The following RAPGEF5 variants were observed in gnomAD, a reference collection of about 807,000 sequenced individuals.
RAPGEF5 encodes M-Ras-regulated GEF.
A neutral mutation model predicts 125.2 loss-of-function variants in RAPGEF5; 65 were observed. The ratio of observed to expected loss-of-function variants is 0.52; its 90% CI spans 0.43 to 0.64. RAPGEF5 has a LOEUF of 0.64. RAPGEF5 is among the 30% of genes least tolerant of loss of function. The pLI is 0.00. For missense variants in RAPGEF5, 958 were observed against 1,048.1 expected, an observed-to-expected ratio of 0.91 and a Z score of 1.19; for synonymous variants, 391 against 385.9, an observed-to-expected ratio of 1.01 and a Z score of -0.16.
intron 7 of RAPGEF5, among the ~76,000 whole-genome samples, chr7:22,235,418 G>A (rs533122240): frequency 2.0e-5 from 3 of 152,308 alleles, no homozygotes; most frequent in South Asian, 4.1e-4. Flanking sequence ...GAACAGAACA[G>A]GGCTGGTCAA....
chr7:22,132,391 T>G (rs1782940952), intron 23 of RAPGEF5, among the ~76,000 whole-genome samples: 1 of 130,218 alleles, frequency 7.7e-6, no homozygotes, highest in Admixed American at 7.9e-5. Context: ...TTTTTTTTTT[T>G]GCTTGTAAAC....
At chr7:22,180,143 A>G (rs551005504) in intron 11 of RAPGEF5, among the ~76,000 whole-genome samples, 38 of 152,222 alleles carry the variant, frequency 2.5e-4, no homozygotes, top group Non-Finnish European at 2.9e-5. Flanking sequence ...TAGTATGTCC[A>G]TATTTCTTTG....
At chr7:22,312,668 A>T (rs955672080) in intron 3 of RAPGEF5, among the ~76,000 whole-genome samples, 8 of 152,220 alleles carry the variant, frequency 5.3e-5, no homozygotes, top group African/African-American at 1.9e-4. Context: ...AATATTAATT[A>T]AAAACTGAGC....
chr7:22,284,421 T>C (rs1469614715), intron 6 of RAPGEF5, among the ~76,000 whole-genome samples: 1 of 152,128 alleles, frequency 6.6e-6, no homozygotes, highest in Non-Finnish European at 1.5e-5. Flanking sequence ...AGAAAAAAGT[T>C]GCTACCAGAA....
chr7:22,297,747 T>C (rs1783097270), intron 5 of RAPGEF5, among the ~76,000 whole-genome samples: 1 of 152,244 alleles, frequency 6.6e-6, no homozygotes, highest in Non-Finnish European at 1.5e-5. Flanking sequence ...CCTCCAAATA[T>C]ATGCCTTTTA....
intron 7 of RAPGEF5, among the ~76,000 whole-genome samples, chr7:22,260,710 T>G (rs563295709): frequency 6.6e-6 from 1 of 152,188 alleles, no homozygotes; most frequent in African/African-American, 2.4e-5. Context: ...ATCTATAAGG[T>G]AAATACACAT....
chr7:22,308,298 T>G lies in RAPGEF5; in HGVS notation c.680+41A>C, dbSNP rs140535262. On this transcript the variant is annotated intron_variant, in intron 5 of 25. Transcript: ENST00000665637. ...GTCCCTAGACATGGTAAATGTTGTC[T>G]AAGTGTAAGAATACAATGGCACAAG... 6.2e-5 allele frequency: 94 copies of G among 1,528,408 alleles called. No individual in the cohort carries two copies. In the African/African-American group the frequency reaches 1.1e-3, roughly 18 times the overall value. 94.7% of individuals were successfully genotyped at this position (1,528,408 alleles called of 1,614,324 possible).
chr7:22,214,751 GC>G (rs1449263760), intron 9 of RAPGEF5, among the ~76,000 whole-genome samples: 1 of 149,276 alleles, frequency 6.7e-6, no homozygotes, highest in East Asian at 2.0e-4. Context: ...CCCTCTGAGT[GC>G]ATGCCCTCTT....
At chr7:22,155,262 G>A (rs199934683) in intron 16 of RAPGEF5, among the ~76,000 whole-genome samples, 64 of 152,272 alleles carry the variant, frequency 4.2e-4, no homozygotes, top group African/African-American at 1.5e-3. Context: ...TTTATTGTCT[G>A]TGGTGCTAAT....
At chr7:22,161,081 G>C (rs1229315270) in intron 13 of RAPGEF5, among the ~76,000 whole-genome samples, 1 of 151,536 alleles carries the variant, frequency 6.6e-6, no homozygotes, top group Non-Finnish European at 1.5e-5. Flanking sequence ...GGTAGCGGGC[G>C]CCTGTAATCC....
At chr7:22,255,528 T>C (rs991804371) in intron 7 of RAPGEF5, among the ~76,000 whole-genome samples, 6 of 152,176 alleles carry the variant, frequency 3.9e-5, no homozygotes, top group Admixed American at 2.0e-4. Flanking sequence ...GGGAGGTAGA[T>C]TGCAGTGAGC....
intron 24 of RAPGEF5, among the ~76,000 whole-genome samples, chr7:22,126,728 C>T (rs1782756869): frequency 6.6e-6 from 1 of 151,384 alleles, no homozygotes; most frequent in Non-Finnish European, 1.5e-5. Context: ...ATTCTCCTGC[C>T]TCAGCCTCCT....
In RAPGEF5 at chr7:22,140,013, T is replaced by G; in HGVS notation, c.2277+12A>C. The G allele has an allele frequency of 9.0e-6, 14 of 1,553,086 alleles. No homozygotes were observed. The highest frequency in any genetic ancestry group is 1.4e-5 in the African/African-American group (1 of 73,318). On this transcript the variant is annotated intron_variant, in intron 21 of 25. Transcript: ENST00000665637. ...TTTTATGTGCCCCTCACCATGGGAC[T>G]CCAAGGCTCACCTCCCAGGTCTGCG...
In RAPGEF5 at chr7:22,125,641, A is replaced by G; in HGVS notation, c.2499T>C (p.Thr833=). Residue 833 remains threonine (T), a synonymous_variant, in exon 25 of 26, where the codon ACT becomes ACC. Transcript: ENST00000665637. Reference sequence around the variant, plus strand: ...TCCTGCAGTGTCTCAGGGTTCGGACAGTGTCTGCGATCATATGCTGTAAAG... The same window carrying G: ...TCCTGCAGTGTCTCAGGGTTCGGACGGTGTCTGCGATCATATGCTGTAAAG... The part of the protein sequence containing the change: ...NFEKLHMIAD[T]VRTLRHCRTN... The G allele has an allele frequency of 1.2e-6, 2 of 1,611,968 alleles. No homozygotes were observed. Among genetic ancestry groups the G allele is most frequent in the Non-Finnish European group, 1.7e-6 (2 of 1,178,086 alleles).
At chr7:22,329,908 C>T (rs905751654) in intron 1 of RAPGEF5, among the ~76,000 whole-genome samples, 1 of 152,228 alleles carries the variant, frequency 6.6e-6, no homozygotes, top group African/African-American at 2.4e-5. Flanking sequence ...CTCCCACACA[C>T]AGCTGCATGG....
chr7:22,155,366 T>C (rs1783771328), intron 16 of RAPGEF5, among the ~76,000 whole-genome samples: 2 of 152,348 alleles, frequency 1.3e-5, no homozygotes, highest in East Asian at 3.9e-4. Context: ...TTAATAGCAA[T>C]GGAAGTAACT....
rs573851001 is a variant in RAPGEF5 at position 22,177,824 on chromosome 7, G to T, written c.1205-10676C>A. Among the ~76,000 whole-genome samples, 5 of 152,256 alleles carry T rather than the reference G, an allele frequency of 3.3e-5. No individual in the cohort carries two copies. The East Asian group carries it at 9.6e-4, about 29-fold the overall frequency. Reference sequence around the variant, plus strand: ...TTCTTTCATTACACTATGCTCTCCCGAGAGTGTGGACCCAAATAACCCATC... The same window carrying T: ...TTCTTTCATTACACTATGCTCTCCCTAGAGTGTGGACCCAAATAACCCATC... On this transcript the variant is annotated intron_variant, in intron 11 of 25. Coordinates refer to ENST00000665637, the MANE Select transcript of RAPGEF5 (RefSeq NM_012294.5).
At chr7:22,330,850 G>A (rs1292450689) in intron 1 of RAPGEF5, among the ~76,000 whole-genome samples, 1 of 152,162 alleles carries the variant, frequency 6.6e-6, no homozygotes, top group East Asian at 1.9e-4. Flanking sequence ...GTCGTTTTTA[G>A]TAAAATCCAA....
At chr7:22,267,761 G>A (rs762438478) in intron 6 of RAPGEF5, among the ~76,000 whole-genome samples, 10 of 151,898 alleles carry the variant, frequency 6.6e-5, no homozygotes, top group Non-Finnish European at 1.2e-4. Flanking sequence ...ATAACATGAA[G>A]GTATCAATAA....
Sources: allele counts gnomAD v4.1 joint callset (sites outside exome capture counted in the v4.1 genomes callset), GRCh38; gene constraint gnomAD v4.1.1; transcripts MANE v1.5; gene names NCBI Gene and HGNC (gene_info 2026-07-23, HGNC 2026-07-21).